Variants in DOCK8 observed in about 807,000 individuals in gnomAD.
DOCK8 encodes dedicator of cytokinesis protein 8.
Under a neutral mutation model 245.6 loss-of-function variants are expected in DOCK8, and 141 were observed. The observed-to-expected ratio is 0.57, with a 90% CI of 0.50 to 0.66. DOCK8 has a LOEUF of 0.66. DOCK8 is among the 30% of genes least tolerant of loss of function. The pLI is 0.00. For missense variants in DOCK8, 2,965 were observed against 2,603.4 expected (o/e 1.14, Z -3.02); for synonymous variants, 1,168 against 970.2 (o/e 1.20, Z -3.79).
chr9:424,010 G>T (rs2056384949), intron 33 of DOCK8, among the ~76,000 whole-genome samples: 1 of 151,538 alleles, frequency 6.6e-6, no homozygotes, highest in South Asian at 2.1e-4. Flanking sequence ...CTGGTGGGCT[G>T]CTGGTTGTCA....
At chr9:421,753 A>G (rs1045742629) in intron 32 of DOCK8, among the ~76,000 whole-genome samples, 4 of 152,190 alleles carry the variant, frequency 2.6e-5, no homozygotes, top group African/African-American at 7.2e-5. Context: ...CCATACTTTC[A>G]TACCCAATAA....
At chr9:386,276 C>G in intron 22 of DOCK8, 55 bp from the exon 23 acceptor site, 1 of 1,491,022 alleles carries the variant, frequency 6.7e-7, no homozygotes, top group Non-Finnish European at 9.3e-7. Flanking sequence ...TTCCAGATGT[C>G]TGGCTTACCT....
rs767992851 is a variant in DOCK8 at position 339,113 on chromosome 9, A to C, written c.1516+14A>C. 1.2e-6 allele frequency: 2 copies of C among 1,608,874 alleles called. No individual in the cohort carries two copies. The highest frequency in any genetic ancestry group is 2.2e-5 in the South Asian group (2 of 90,970). ...AGTCAATTCCAGGTGTGAATGACTTATCTTTATCCTCTTTAGCTGTGCCAA... is the reference window on the plus strand; with the variant it reads ...AGTCAATTCCAGGTGTGAATGACTTCTCTTTATCCTCTTTAGCTGTGCCAA... On this transcript the variant is annotated intron_variant, in intron 13 of 47. Coordinates refer to ENST00000432829, the MANE Select transcript of DOCK8 (RefSeq NM_203447.4).
In DOCK8 at chr9:372,176, C is replaced by T. The variant is rs778609311; in HGVS notation, c.2008-9C>T. 2 of 1,608,918 alleles carry T rather than the reference C, an allele frequency of 1.2e-6. No homozygotes were observed. Among genetic ancestry groups the T allele is most frequent in the Non-Finnish European group, 1.7e-6 (2 of 1,175,464 alleles). ...AATACCACTTTATTATTTACATCAT[C>T]TGTTTCAGTGGCTGCCAATTCTCTT... is the stretch of plus-strand genomic sequence containing the variant. On this transcript the variant is annotated splice_polypyrimidine_tract_variant and intron_variant, in intron 17 of 47. Transcript: ENST00000432829.
chr9:222,260 C>G (rs957775512), intron 1 of DOCK8, among the ~76,000 whole-genome samples: 3 of 151,198 alleles, frequency 2.0e-5, no homozygotes, highest in Non-Finnish European at 4.4e-5. Flanking sequence ...GAAACCCTGT[C>G]TCAAAAAAAA....
chr9:246,134 G>C (rs1030760321), intron 1 of DOCK8, among the ~76,000 whole-genome samples: 8 of 152,040 alleles, frequency 5.3e-5, no homozygotes, highest in South Asian at 2.1e-4. Context: ...TGGGAGGATT[G>C]CTTGAGCCTG....
At chr9:271,055 A>G (rs2048150453) in intron 1 of DOCK8, among the ~76,000 whole-genome samples, 1 of 152,218 alleles carries the variant, frequency 6.6e-6, no homozygotes, top group Non-Finnish European at 1.5e-5. Context: ...CATTGTCCAC[A>G]TGGGTGATGC....
chr9:393,323 A>G (rs1340342106), intron 24 of DOCK8, among the ~76,000 whole-genome samples: 1 of 97,066 alleles, frequency 1.0e-5, no homozygotes, highest in African/African-American at 3.5e-5. Context: ...TTGGCATACC[A>G]ATAGTTGGCA....
chr9:346,201 G>T (rs879372474), intron 14 of DOCK8, among the ~76,000 whole-genome samples: 44 of 152,134 alleles, frequency 2.9e-4, no homozygotes, highest in Admixed American at 2.9e-3. Context: ...CCGAATCCAA[G>T]CTTGGCGTTC....
At position 311,918 on chromosome 9, in the gene DOCK8, G is replaced by A. The variant is rs538376393; in HGVS notation, c.529-36G>A. ...CTTCGGTTCTCATTTTAGACTTGCC[G>A]TCTCTCTCACAAAGACCCACTGTTT... On this transcript the variant is annotated intron_variant, in intron 5 of 47. Coordinates refer to ENST00000432829, the MANE Select transcript of DOCK8 (RefSeq NM_203447.4). The A allele has an allele frequency of 5.9e-5, 95 of 1,609,170 alleles. 1 individual carries two copies. Among genetic ancestry groups the A allele is most frequent in the South Asian group, 1.6e-4 (15 of 91,028 alleles).
At chr9:318,693 G>A (rs757098969) in intron 7 of DOCK8, among the ~76,000 whole-genome samples, 2 of 152,228 alleles carry the variant, frequency 1.3e-5, no homozygotes, top group Non-Finnish European at 2.9e-5. Flanking sequence ...GCAAGCTCTT[G>A]CCCTTGCAAA....
Position 406,959 on chromosome 9 carries a change from C to T in DOCK8, c.3420C>T (p.Asp1140=), listed in dbSNP as rs746195776. Reference sequence around the variant, plus strand: ...CAAGCTCCTGCTCCAGCTTCCAGGACCAGAAGATCGCCAGCATGTTCGATC... The same window carrying T: ...CAAGCTCCTGCTCCAGCTTCCAGGATCAGAAGATCGCCAGCATGTTCGATC... ...QNSSSCSSFQ[D]QKIASMFDLT... is the part of the protein sequence containing the mutation. The change falls in exon 28 of 48, where the codon GAC becomes GAT. Residue 1140 remains aspartate, a synonymous_variant. Coordinates refer to ENST00000432829, the MANE Select transcript of DOCK8 (RefSeq NM_203447.4). 1 of 1,614,102 alleles carries T rather than the reference C, an allele frequency of 6.2e-7. No individual in the cohort carries two copies. Among genetic ancestry groups the T allele is most frequent in the South Asian group, 1.1e-5 (1 of 91,070 alleles).
intron 14 of DOCK8, among the ~76,000 whole-genome samples, chr9:360,322 T>TA (rs35203849): frequency 0.16 from 22,968 of 139,208 alleles, 2,306 homozygotes; most frequent in Middle Eastern, 0.28. Context: ...TCTCAAAATT[T>TA]AAAAAAAAAA....
Position 370,149 on chromosome 9 carries a change from A to C in DOCK8, c.1798-81A>C. 5 of 1,225,212 alleles carry C rather than the reference A, an allele frequency of 4.1e-6. No homozygotes were observed. In the Admixed American group the frequency reaches 8.4e-5, roughly 21 times the overall value. 75.9% of individuals were successfully genotyped at this position (1,225,212 alleles called of 1,614,324 possible). A position where few individuals can be genotyped will look rare whatever the true frequency, so the allele number is the denominator to read the frequency against. ...CAAAATGCAGCTCTATGAGACCAGA[A>C]CATCCTGTTGGCCTGATGATAGTCA... On this transcript the variant is annotated intron_variant, in intron 15 of 47. Transcript: ENST00000432829.
chr9:337,584 C>G (rs1482996752), intron 12 of DOCK8, among the ~76,000 whole-genome samples: 4 of 152,010 alleles, frequency 2.6e-5, no homozygotes, highest in Non-Finnish European at 4.4e-5. Context: ...TTCCAGGGCT[C>G]CCTGCTTGCT....
rs971992611 is a variant in DOCK8 at position 312,003 on chromosome 9, C to G, written c.578C>G (p.Pro193Arg). The change falls in exon 6 of 48, where the codon CCC becomes CGC. Residue 193 changes from proline to arginine, a missense_variant. Around this residue, in one of 3 missense-constraint regions of DOCK8, gnomAD observed 2,825 missense variants for 2,453.5 expected, o/e 1.15. Coordinates refer to ENST00000432829, the MANE Select transcript of DOCK8 (RefSeq NM_203447.4). Reference sequence around the variant, plus strand: ...CTGTGCGACGTGTCTGGGAAAGGCCCCGTCACTGCCTGTGACTTTGACCTC... The same window carrying G: ...CTGTGCGACGTGTCTGGGAAAGGCCGCGTCACTGCCTGTGACTTTGACCTC... ...NVLCDVSGKGPVTACDFDLRS... is the reference protein window; with the variant it reads ...NVLCDVSGKGRVTACDFDLRS... 4.3e-5 allele frequency: 69 copies of G among 1,614,070 alleles called. No individual in the cohort carries two copies. Among genetic ancestry groups the G allele is most frequent in the Non-Finnish European group, 5.6e-5 (66 of 1,180,042 alleles).
At chr9:341,758 G>C (rs1350565985) in intron 14 of DOCK8, among the ~76,000 whole-genome samples, 1 of 152,202 alleles carries the variant, frequency 6.6e-6, no homozygotes. Context: ...TGGCCTGTTA[G>C]GAACCAGGCT....
At position 422,085 on chromosome 9, in the gene DOCK8, A is replaced by G. The variant is rs767268801; in HGVS notation, c.4191A>G (p.Arg1397=). 2.5e-6 allele frequency: 4 copies of G among 1,614,004 alleles called. No individual in the cohort carries two copies. Among genetic ancestry groups the G allele is most frequent in the African/African-American group, 2.7e-5 (2 of 74,932 alleles). ...DRFPGLNENL[R]WKKEQTHWRQ... ...TTCCAGGCCTAAATGAAAATTTGAGATGGAAGAAAGAGCAGACACATTGGC... is the reference window on the plus strand; with the variant it reads ...TTCCAGGCCTAAATGAAAATTTGAGGTGGAAGAAAGAGCAGACACATTGGC... The change falls in exon 33 of 48, where the codon AGA becomes AGG. Residue 1397 remains arginine, a synonymous_variant. Coordinates refer to ENST00000432829, the MANE Select transcript of DOCK8 (RefSeq NM_203447.4).
At chr9:450,468 G>A (rs10758622) in intron 45 of DOCK8, among the ~76,000 whole-genome samples, 1 of 151,876 alleles carries the variant, frequency 6.6e-6, no homozygotes, top group African/African-American at 2.4e-5. Context: ...TTCTTAGAAC[G>A]CTGACTCCCA....
Sources: allele counts gnomAD v4.1 joint callset (sites outside exome capture counted in the v4.1 genomes callset), GRCh38; gene constraint gnomAD v4.1.1; regional missense constraint gnomAD v4.1.1; transcripts MANE v1.5; gene names NCBI Gene and HGNC (gene_info 2026-07-23, HGNC 2026-07-21).